FAM13A: variants seen among roughly 807,000 people sequenced by gnomAD.
FAM13A encodes the protein family with sequence similarity 13 member A, also known as protein FAM13A.
A neutral mutation model predicts 129.6 loss-of-function variants in FAM13A; 76 were observed. The observed-to-expected ratio is 0.59, with a 90% CI of 0.49 to 0.71. The LOEUF is 0.71. Ranked by LOEUF, FAM13A falls within the 30% of genes least tolerant of loss-of-function variation. FAM13A has a pLI of 0.00. For synonymous variants in FAM13A, 443 were observed against 449.9 expected (o/e 0.98, Z 0.20); for missense variants, 1,108 against 1,249.3 (o/e 0.89, Z 1.70).
chr4:88,751,227 G>A (rs1444045786), intron 14 of FAM13A, among the ~76,000 whole-genome samples: 1 of 152,140 alleles, frequency 6.6e-6, no homozygotes, highest in African/African-American at 2.4e-5. Context: ...GGGCGACAGA[G>A]TGAGACTTTG....
At chr4:89,020,439 A>G in intron 3 of FAM13A, 21 bp downstream of exon 3, 3 of 1,594,670 alleles carry the variant, frequency 1.9e-6, no homozygotes, top group Non-Finnish European at 2.6e-6. Flanking sequence ...TTTAACTCCT[A>G]AAAGGATTTA....
chr4:88,806,067 T>C (rs1415628794), intron 7 of FAM13A, among the ~76,000 whole-genome samples: 1 of 152,196 alleles, frequency 6.6e-6, no homozygotes, highest in African/African-American at 2.4e-5. Context: ...AAGTATAGAA[T>C]GAATCCCTCC....
chr4:88,790,494 A>G, intron 9 of FAM13A, 92 bp downstream of exon 9: 3 of 1,052,288 alleles, frequency 2.9e-6, no homozygotes, highest in South Asian at 2.7e-5. Flanking sequence ...ACTGTACACC[A>G]TTAGAGTTGC....
intron 5 of FAM13A, among the ~76,000 whole-genome samples, chr4:88,915,437 G>A (rs1014614539): frequency 6.6e-6 from 1 of 152,168 alleles, no homozygotes; most frequent in Non-Finnish European, 1.5e-5. Flanking sequence ...ATGAGAAGTA[G>A]TGAAATTCTA....
chr4:88,874,450 T>C (rs1742011628), intron 6 of FAM13A, among the ~76,000 whole-genome samples: 1 of 152,212 alleles, frequency 6.6e-6, no homozygotes, highest in Non-Finnish European at 1.5e-5. Context: ...AGTCTCTGGA[T>C]ACAAAATCAA....
At chr4:88,764,683 C>T (rs968538144) in intron 13 of FAM13A, among the ~76,000 whole-genome samples, 16 of 152,158 alleles carry the variant, frequency 1.1e-4, no homozygotes, top group African/African-American at 3.6e-4. Flanking sequence ...GCCCAGGGAG[C>T]AGTGTGCTAG....
chr4:88,810,769 T>A (rs931563210), intron 7 of FAM13A, among the ~76,000 whole-genome samples: 1 of 152,196 alleles, frequency 6.6e-6, no homozygotes, highest in African/African-American at 2.4e-5. Context: ...GCAGTCGAGA[T>A]ACAATATTTT....
chr4:88,745,851 AT>A (rs201087138), intron 19 of FAM13A, among the ~76,000 whole-genome samples: 6,181 of 142,030 alleles, frequency 0.044, 110 homozygotes, highest in Non-Finnish European at 0.047. Context: ...CAGTGCCAGC[AT>A]TTTTTTTTTT....
At chr4:88,800,526 A>C (rs1238584115) in intron 8 of FAM13A, among the ~76,000 whole-genome samples, 1 of 151,954 alleles carries the variant, frequency 6.6e-6, no homozygotes, top group East Asian at 1.9e-4. Flanking sequence ...CTCTACTAAA[A>C]ATATAAAAAT....
chr4:89,028,519 C>T (rs781250525), intron 2 of FAM13A, among the ~76,000 whole-genome samples: 2 of 151,698 alleles, frequency 1.3e-5, no homozygotes, highest in East Asian at 3.9e-4. Context: ...CCTGTCTCTA[C>T]AAATAAAAAT....
chr4:89,026,364 A>G (rs1767954773), intron 2 of FAM13A, among the ~76,000 whole-genome samples: 3 of 152,262 alleles, frequency 2.0e-5, no homozygotes, highest in Admixed American at 2.0e-4. Context: ...TTTTCTAAGA[A>G]TCTGGCCTTT....
intron 1 of FAM13A, among the ~76,000 whole-genome samples, chr4:89,053,415 C>A (rs974826272): frequency 2.0e-5 from 3 of 152,158 alleles, no homozygotes; most frequent in Non-Finnish European, 4.4e-5. Context: ...ATAAACCTAA[C>A]CTCATCCTTT....
At position 88,758,862 on chromosome 4, in the gene FAM13A, C is replaced by T. The variant is rs751516098; in HGVS notation, c.1618G>A (p.Asp540Asn). 8.7e-6 allele frequency: 14 copies of T among 1,613,894 alleles called. No homozygotes were observed. The Admixed American group carries it at 1.3e-4, about 15-fold the overall frequency. The change falls in exon 14 of 24, where the codon GAC (aspartate) becomes AAC (asparagine). Residue 540 changes from aspartate (D) to asparagine (N), a missense_variant. Asp to Asn is a conservative substitution (Grantham distance 23). Transcript: ENST00000264344. ...MKIQEHPSLS[D>N]TKQQRNQDAG... ...TCTTGATTTCTCTGCTGTTTGGTGT[C>T]AGATAGGCTGGGATGCTCCTGGATC... is the stretch of plus-strand genomic sequence containing the variant.
chr4:88,877,711 G>C (rs1742797813), intron 6 of FAM13A, among the ~76,000 whole-genome samples: 1 of 152,086 alleles, frequency 6.6e-6, no homozygotes, highest in Non-Finnish European at 1.5e-5. Flanking sequence ...ATGAAGAAAA[G>C]TTAACTAAAA....
chr4:88,799,305 CT>C (rs902021535), intron 8 of FAM13A, among the ~76,000 whole-genome samples: 1 of 152,096 alleles, frequency 6.6e-6, no homozygotes, highest in African/African-American at 2.4e-5. Flanking sequence ...TACTTCACAA[CT>C]AAAGGATGGC....
At chr4:88,757,975 G>A (rs961996021) in intron 14 of FAM13A, among the ~76,000 whole-genome samples, 2 of 152,146 alleles carry the variant, frequency 1.3e-5, no homozygotes, top group Non-Finnish European at 2.9e-5. Flanking sequence ...CCTTGCAGCC[G>A]TCACGCACAT....
At chr4:88,832,387 G>A (rs1216115050) in intron 7 of FAM13A, among the ~76,000 whole-genome samples, 1 of 152,114 alleles carries the variant, frequency 6.6e-6, no homozygotes, top group Non-Finnish European at 1.5e-5. Context: ...ATTGACAAAT[G>A]GGATCTAATT....
At chr4:88,868,305 C>T (rs781403569) in intron 6 of FAM13A, among the ~76,000 whole-genome samples, 11 of 152,174 alleles carry the variant, frequency 7.2e-5, no homozygotes, top group Non-Finnish European at 1.5e-4. Context: ...GAGTAAGTGC[C>T]TTTTCCTTTG....
At chr4:88,915,752 C>T (rs999326726) in intron 5 of FAM13A, among the ~76,000 whole-genome samples, 9 of 152,056 alleles carry the variant, frequency 5.9e-5, no homozygotes, top group African/African-American at 2.2e-4. Context: ...TGTTGAGAGG[C>T]CCTTTAAGCA....
Sources: gnomAD v4.1 joint callset for allele counts (sites outside exome capture counted in the v4.1 genomes callset) on GRCh38, gnomAD v4.1.1 for gene constraint, MANE v1.5 for transcripts, NCBI Gene and HGNC (gene_info 2026-07-23, HGNC 2026-07-21) for gene names.